Variants in CGNL1 observed in about 807,000 individuals in gnomAD.
CGNL1 encodes the protein cingulin-like protein 1.
CGNL1 carries 132 observed loss-of-function variants against 141.2 expected under a neutral mutation model. The observed-to-expected ratio is 0.93, with a 90% CI of 0.81 to 1.08. The LOEUF (loss-of-function observed/expected upper bound fraction) is 1.08, where lower values mean the gene tolerates loss of function less well. Ranked by LOEUF, CGNL1 falls within the 50% of genes least tolerant of loss-of-function variation. The pLI, the probability that CGNL1 is intolerant of heterozygous loss-of-function variation, is 0.00. For missense variants in CGNL1, 1,870 were observed against 1,588.6 expected (o/e 1.18, Z -3.01); for synonymous variants, 690 against 622.1 (o/e 1.11, Z -1.63).
At position 57,441,272 on chromosome 15, in the gene CGNL1, A is replaced by G. The variant is rs1385817525; in HGVS notation, c.1697+801A>G. Among the ~76,000 whole-genome samples the G allele has an allele frequency of 2.0e-5, 3 of 152,228 alleles. No homozygotes were observed. The South Asian group carries it at 6.2e-4, about 32-fold the overall frequency. ...GGGGAAAAAAAAAGTAACCTGAAAG[A>G]TTAATCTAGCTAAGAACTGGTTATT... On this transcript the variant is annotated intron_variant, in intron 3 of 18. Coordinates refer to ENST00000281282, the MANE Select transcript of CGNL1 (RefSeq NM_032866.5).
intron 6 of CGNL1, among the ~76,000 whole-genome samples, chr15:57,453,172 A>G (rs1177416391): frequency 1.3e-5 from 2 of 152,130 alleles, no homozygotes; most frequent in Non-Finnish European, 2.9e-5. Context: ...GCACATACTC[A>G]GCTCTGCCAT....
chr15:57,457,224 G>A (rs1247334574), intron 7 of CGNL1, among the ~76,000 whole-genome samples: 1 of 152,232 alleles, frequency 6.6e-6, no homozygotes, highest in Non-Finnish European at 1.5e-5. Context: ...TCATTTTGAT[G>A]TGGCACGCTC....
rs982837808 is a variant in CGNL1, at chr15:57,439,442, G to A, written c.1443G>A (p.Val481=). 6.2e-7 allele frequency: 1 copy of A among 1,614,218 alleles called. No homozygotes were observed. Among genetic ancestry groups the A allele is most frequent in the Admixed American group, 1.7e-5 (1 of 60,030 alleles). ...LETEGSQEST[V]IRAPSLGAQS... The stretch of plus-strand genomic sequence containing the variant: ...CCGAAGGTAGTCAGGAAAGTACAGT[G>A]ATCCGTGCGCCCTCCCTTGGTGCAC... The change falls in exon 2 of 19, where the codon GTG becomes GTA. Residue 481 remains valine (V), a synonymous_variant. Coordinates refer to ENST00000281282, the MANE Select transcript of CGNL1 (RefSeq NM_032866.5).
At chr15:57,490,237 A>G (rs1391337438) in intron 8 of CGNL1, among the ~76,000 whole-genome samples, 2 of 152,222 alleles carry the variant, frequency 1.3e-5, no homozygotes, top group African/African-American at 4.8e-5. Flanking sequence ...ATCTTATATT[A>G]AATGGGGATA....
At chr15:57,419,992 A>G (rs985998900) in intron 1 of CGNL1, among the ~76,000 whole-genome samples, 2 of 152,154 alleles carry the variant, frequency 1.3e-5, no homozygotes. Context: ...TTTATTTTAT[A>G]CTTTGAGTTA....
chr15:57,471,935 T>A (rs2063587004), intron 8 of CGNL1, among the ~76,000 whole-genome samples: 1 of 152,056 alleles, frequency 6.6e-6, no homozygotes, highest in African/African-American at 2.4e-5. Context: ...ATTCAGATAA[T>A]CACATGGATA....
intron 14 of CGNL1, among the ~76,000 whole-genome samples, chr15:57,533,030 A>G (rs2032040092): frequency 6.6e-6 from 1 of 152,198 alleles, no homozygotes; most frequent in South Asian, 2.1e-4. Context: ...ATAGCACCTT[A>G]TGAGCAGGCA....
chr15:57,461,788 C>T lies in CGNL1; in HGVS notation c.2299C>T (p.Leu767=), dbSNP rs771190678. The T allele has an allele frequency of 1.2e-6, 2 of 1,614,068 alleles. No individual in the cohort carries two copies. The highest frequency in any genetic ancestry group is 4.5e-5 in the East Asian group (2 of 44,860). ...ERELTALKGA[L]KEEVSSHDQE... ...TGAACTCACCGCCCTGAAGGGAGCC[C>T]TGAAAGAAGAGGTTTCCAGCCATGA... Residue 767 remains leucine, a synonymous_variant, in exon 8 of 19, where the codon CTG becomes TTG. Coordinates refer to ENST00000281282, the MANE Select transcript of CGNL1 (RefSeq NM_032866.5).
At chr15:57,471,250 T>C (rs1374811092) in intron 8 of CGNL1, among the ~76,000 whole-genome samples, 9 of 152,154 alleles carry the variant, frequency 5.9e-5, no homozygotes, top group African/African-American at 2.2e-4. Context: ...GGTCTACCAT[T>C]AGGGCTTTTG....
At chr15:57,432,197 G>A (rs1185398149) in intron 1 of CGNL1, among the ~76,000 whole-genome samples, 1 of 152,202 alleles carries the variant, frequency 6.6e-6, no homozygotes, top group East Asian at 1.9e-4. Context: ...AAAGGTGAAG[G>A]TTTCAGATTG....
chr15:57,384,043 G>T (rs1252259391), intron 1 of CGNL1, among the ~76,000 whole-genome samples: 1 of 143,908 alleles, frequency 6.9e-6, no homozygotes, highest in South Asian at 2.5e-4. Flanking sequence ...GTGCTGCCTT[G>T]GGCCACCTAT....
chr15:57,516,933 G>C lies in CGNL1; in HGVS notation c.2557G>C (p.Glu853Gln). The C allele has an allele frequency of 6.2e-7, 1 of 1,613,610 alleles. No homozygotes were observed. Among genetic ancestry groups the C allele is most frequent in the Non-Finnish European group, 8.5e-7 (1 of 1,180,022 alleles). Residue 853 changes from glutamate (E) to glutamine (Q), a missense_variant, in exon 9 of 19, where the codon GAG becomes CAG. Glu to Gln is a conservative substitution (Grantham distance 29). Coordinates refer to ENST00000281282, the MANE Select transcript of CGNL1 (RefSeq NM_032866.5). Reference sequence around the variant, plus strand: ...AGTTGCTCAGCTTCAAAGGCAGATCGAGGACCTGAAAGGCGATGAAGCCAA... The same window carrying C: ...AGTTGCTCAGCTTCAAAGGCAGATCCAGGACCTGAAAGGCGATGAAGCCAA... Reference protein sequence around the residue: ...RRVAQLQRQIEDLKGDEAKAK... With the variant: ...RRVAQLQRQIQDLKGDEAKAK...
intron 12 of CGNL1, among the ~76,000 whole-genome samples, chr15:57,525,293 C>CT (rs1414860527): frequency 3.9e-5 from 6 of 152,038 alleles, no homozygotes; most frequent in Non-Finnish European, 5.9e-5. Context: ...GCAAAGAAAC[C>CT]CAAATGCTAG....
In CGNL1 at chr15:57,546,106, C is replaced by T. The variant is rs1282915592; in HGVS notation, c.3640C>T (p.Gln1214Ter). ...CTTGCGTTTGAAAGCCATGAAGCGG[C>T]AGGTGGAGGAGGCTGAGGAGGAAAT... The part of the protein sequence containing the change: ...LSLRLKAMKR[Q>*]VEEAEEEIDR... Residue 1214 changes from glutamine (Q) to a stop codon, truncating the protein, a stop_gained, in exon 18 of 19, where the codon CAG (glutamine) becomes TAG (stop). Coordinates refer to ENST00000281282, the MANE Select transcript of CGNL1 (RefSeq NM_032866.5). LOFTEE classifies it high-confidence loss of function. 2 of 1,613,686 alleles carry T rather than the reference C, an allele frequency of 1.2e-6. No individual in the cohort carries two copies. Among genetic ancestry groups the T allele is most frequent in the Admixed American group, 1.7e-5 (1 of 59,998 alleles).
intron 1 of CGNL1, among the ~76,000 whole-genome samples, chr15:57,436,780 G>T (rs1336539065): frequency 6.6e-6 from 1 of 151,960 alleles, no homozygotes; most frequent in Non-Finnish European, 1.5e-5. Context: ...GTTCTTTAGG[G>T]AAACAATTTA....
chr15:57,380,982 A>G (rs1038231519), intron 1 of CGNL1, among the ~76,000 whole-genome samples: 13 of 152,212 alleles, frequency 8.5e-5, no homozygotes, highest in Admixed American at 2.6e-4. Flanking sequence ...TCATCATACC[A>G]TGGTTGCTGT....
chr15:57,480,070 T>C (rs2063706343), intron 8 of CGNL1, among the ~76,000 whole-genome samples: 1 of 152,170 alleles, frequency 6.6e-6, no homozygotes. Flanking sequence ...TATTGCAGTA[T>C]TAGCAGTATG....
intron 8 of CGNL1, among the ~76,000 whole-genome samples, chr15:57,470,583 C>A (rs1373008028): frequency 6.6e-6 from 1 of 152,124 alleles, no homozygotes; most frequent in Non-Finnish European, 1.5e-5. Context: ...GAGTCACTTG[C>A]TGTGGGTTAG....
At chr15:57,503,531 C>T (rs1187476502) in intron 8 of CGNL1, among the ~76,000 whole-genome samples, 2 of 152,172 alleles carry the variant, frequency 1.3e-5, no homozygotes, top group African/African-American at 4.8e-5. Context: ...GCAGGTGTTG[C>T]AGCTTCATCA....
Sources: allele counts gnomAD v4.1 joint callset (sites outside exome capture counted in the v4.1 genomes callset), GRCh38; gene constraint gnomAD v4.1.1; transcripts MANE v1.5; gene names NCBI Gene and HGNC (gene_info 2026-07-23, HGNC 2026-07-21).